The following ANKRD30A variants were observed in gnomAD, a reference collection of about 807,000 sequenced individuals.
The protein encoded by ANKRD30A is ankyrin repeat domain 30A.
A neutral mutation model predicts 166.3 loss-of-function variants in ANKRD30A; 170 were observed. That is an observed-to-expected ratio of 1.02 (90% CI 0.90 to 1.16). ANKRD30A has a LOEUF of 1.16. Ranked by LOEUF, ANKRD30A falls within the 50% of genes most tolerant of loss-of-function variation. The pLI is 0.00. For synonymous variants in ANKRD30A, 564 were observed against 508.9 expected, an observed-to-expected ratio of 1.11 and a Z score of -1.46; for missense variants, 1,630 against 1,518.0, an observed-to-expected ratio of 1.07 and a Z score of -1.23.
Position 37,158,261 on chromosome 10 carries a change from C to T in ANKRD30A, c.1799-131C>T, listed in dbSNP as rs905949055. The T allele has an allele frequency of 5.0e-6, 7 of 1,404,460 alleles. No individual in the cohort carries two copies. The African/African-American group carries it at 1.0e-4, about 20-fold the overall frequency. 87.0% of individuals were successfully genotyped at this position (1,404,460 alleles called of 1,614,324 possible). A position where few individuals can be genotyped will look rare whatever the true frequency, so the allele number is the denominator to read the frequency against. ...ATAACAAATACAATAACCCAAAAGA[C>T]CCCAAAACATAGTGTAATCCGTTTT... On this transcript the variant is annotated intron_variant, in intron 13 of 35. Transcript: ENST00000361713.
intron 27 of ANKRD30A, among the ~76,000 whole-genome samples, chr10:37,194,410 C>A (rs1233393488): frequency 6.6e-6 from 1 of 150,928 alleles, no homozygotes; most frequent in African/African-American, 2.4e-5. Flanking sequence ...GGCGCCATCT[C>A]GGCTCATGCA....
At chr10:37,131,441 G>A (rs961523747) in intron 3 of ANKRD30A, among the ~76,000 whole-genome samples, 3 of 152,106 alleles carry the variant, frequency 2.0e-5, no homozygotes, top group Non-Finnish European at 2.9e-5. Flanking sequence ...AAATTCTATT[G>A]TCTTGTAATA....
intron 13 of ANKRD30A, among the ~76,000 whole-genome samples, chr10:37,157,526 T>A (rs1227419420): frequency 6.6e-6 from 1 of 152,144 alleles, no homozygotes; most frequent in East Asian, 1.9e-4. Flanking sequence ...CCACCATACC[T>A]GGCTGATTTT....
chr10:37,208,069 GA>G (rs1007980349), intron 31 of ANKRD30A, among the ~76,000 whole-genome samples: 16 of 151,510 alleles, frequency 1.1e-4, no homozygotes, highest in East Asian at 1.9e-4. Flanking sequence ...CTTTTTAGAA[GA>G]AAAAAAAATT....
the ANKRD30A span, among the ~76,000 whole-genome samples, chr10:37,259,709 C>T: frequency 6.6e-6 from 1 of 152,080 alleles, no homozygotes; most frequent in Non-Finnish European, 1.5e-5. Context: ...TAAATCTTAC[C>T]AACAATGTTA....
At chr10:37,129,528 C>G (rs1326400068) in intron 1 of ANKRD30A, among the ~76,000 whole-genome samples, 1 of 151,984 alleles carries the variant, frequency 6.6e-6, no homozygotes, top group African/African-American at 2.4e-5. Context: ...GCATAGATTC[C>G]CATTGAGGCA....
At chr10:37,194,663 T>A (rs536403800) in intron 27 of ANKRD30A, among the ~76,000 whole-genome samples, 1 of 152,152 alleles carries the variant, frequency 6.6e-6, no homozygotes, top group African/African-American at 2.4e-5. Flanking sequence ...AAATTTTCAA[T>A]AAATAGTTGT....
At chr10:37,142,940 G>T (rs934222772) in intron 7 of ANKRD30A, among the ~76,000 whole-genome samples, 27 of 152,022 alleles carry the variant, frequency 1.8e-4, no homozygotes, top group African/African-American at 6.3e-4. Context: ...GCTCTCTCAA[G>T]ACAATATTTA....
intron 31 of ANKRD30A, among the ~76,000 whole-genome samples, chr10:37,208,277 C>T (rs561213711): frequency 6.6e-6 from 1 of 152,080 alleles, no homozygotes; most frequent in South Asian, 2.1e-4. Context: ...AACATCAAGC[C>T]AGTTTTGTCA....
chr10:37,195,577 C>G (rs1468575618), intron 27 of ANKRD30A, among the ~76,000 whole-genome samples: 1 of 152,078 alleles, frequency 6.6e-6, no homozygotes, highest in African/African-American at 2.4e-5. Context: ...AAAACATAAA[C>G]AAAAGATAGT....
chr10:37,128,036 A>G (rs1171150576), intron 1 of ANKRD30A, among the ~76,000 whole-genome samples: 2 of 152,112 alleles, frequency 1.3e-5, no homozygotes, highest in African/African-American at 4.8e-5. Flanking sequence ...ACAGCATGGG[A>G]TAATAGTTGA....
chr10:37,159,475 G>T (rs1412352669), intron 15 of ANKRD30A, among the ~76,000 whole-genome samples: 2 of 152,028 alleles, frequency 1.3e-5, no homozygotes, highest in East Asian at 1.9e-4. Flanking sequence ...CCGTCCTTTT[G>T]CCACTTTAGC....
intron 34 of ANKRD30A, among the ~76,000 whole-genome samples, chr10:37,223,103 T>G (rs1842969486): frequency 6.6e-6 from 1 of 151,406 alleles, no homozygotes. Flanking sequence ...TCATATTTGT[T>G]CTGACTATTG....
intron 15 of ANKRD30A, among the ~76,000 whole-genome samples, chr10:37,159,918 C>T (rs369898019): frequency 1.3e-5 from 2 of 152,040 alleles, no homozygotes; most frequent in African/African-American, 4.8e-5. Context: ...ATGGTCTGAT[C>T]CGGATCTCCT....
intron 3 of ANKRD30A, 130 bp from the exon 4 acceptor site, chr10:37,132,110 G>A (rs1282191183): frequency 9.1e-6 from 5 of 550,778 alleles, no homozygotes; most frequent in Non-Finnish European, 1.5e-5. Context: ...AGAAAAGGGA[G>A]AAAGAAGGGA....
chr10:37,259,359 C>T, the ANKRD30A span, among the ~76,000 whole-genome samples: 1 of 152,124 alleles, frequency 6.6e-6, no homozygotes, highest in Non-Finnish European at 1.5e-5. Context: ...ATAAAAAATA[C>T]AGATAATGCC....
intron 34 of ANKRD30A, among the ~76,000 whole-genome samples, chr10:37,225,943 GTCACCTACCAGT>G (rs1197151268): frequency 6.6e-6 from 1 of 151,356 alleles, no homozygotes; most frequent in African/African-American, 2.4e-5. Flanking sequence ...GGCATTCTTT[GTCACCTACCAGT>G]TTCCCATTCC....
intron 8 of ANKRD30A, among the ~76,000 whole-genome samples, chr10:37,146,795 T>A (rs1046080791): frequency 2.6e-5 from 4 of 152,218 alleles, no homozygotes; most frequent in Admixed American, 2.6e-4. Flanking sequence ...TAAGATTATA[T>A]GAGTAAACAA....
intron 27 of ANKRD30A, among the ~76,000 whole-genome samples, chr10:37,196,685 A>G (rs1564551264): frequency 6.6e-6 from 1 of 152,178 alleles, no homozygotes; most frequent in African/African-American, 2.4e-5. Context: ...AGTTTTACAC[A>G]TCTTCTTGCA....
Sources: gnomAD v4.1 joint callset for allele counts (sites outside exome capture counted in the v4.1 genomes callset) on GRCh38, gnomAD v4.1.1 for gene constraint, MANE v1.5 for transcripts, NCBI Gene and HGNC (gene_info 2026-07-23, HGNC 2026-07-21) for gene names.